Variants in MSANTD3 observed in about 807,000 individuals in gnomAD.
The protein encoded by MSANTD3 is myb/SANT-like DNA-binding domain-containing protein 3.
Under a neutral mutation model 27.7 loss-of-function variants are expected in MSANTD3, and 11 were observed. The observed-to-expected ratio is 0.40, with a 90% CI of 0.25 to 0.66. The LOEUF (loss-of-function observed/expected upper bound fraction) is 0.66. Ranked by LOEUF, MSANTD3 falls within the 30% of genes least tolerant of loss-of-function variation. The pLI is 0.41. For missense variants in MSANTD3, 250 were observed against 336.5 expected, an observed-to-expected ratio of 0.74 and a Z score of 2.01; for synonymous variants, 131 against 127.2, an observed-to-expected ratio of 1.03 and a Z score of -0.20.
chr9:100,442,049 T>C lies in MSANTD3; in HGVS notation c.111T>C (p.Ser37=). ...KYKYVLECKK[S]DARTIALKQR... is the part of the protein sequence containing the mutation. ...AATATGTGCTGGAATGTAAGAAAAGTGATGCGCGAACTATTGCCCTTAAGC... is the reference window on the plus strand; with the variant it reads ...AATATGTGCTGGAATGTAAGAAAAGCGATGCGCGAACTATTGCCCTTAAGC... Residue 37 remains serine (S), a synonymous_variant, in exon 2 of 3, where the codon AGT becomes AGC. Transcript: ENST00000395067. 1 of 1,614,226 alleles carries C rather than the reference T, an allele frequency of 6.2e-7. No individual in the cohort carries two copies. The highest frequency in any genetic ancestry group is 8.5e-7 in the Non-Finnish European group (1 of 1,180,042).
At chr9:100,450,411 G>T in intron 2 of MSANTD3, 146 bp from the exon 3 acceptor site, 1 of 606,354 alleles carries the variant, frequency 1.6e-6, no homozygotes. Flanking sequence ...GGTGTGGCTA[G>T]GGTCCCTGTA....
At chr9:100,432,891 A>C (rs1836405244) in intron 1 of MSANTD3, among the ~76,000 whole-genome samples, 1 of 152,228 alleles carries the variant, frequency 6.6e-6, no homozygotes, top group Admixed American at 6.5e-5. Flanking sequence ...TTTTAATGGC[A>C]GTGCTAACAT....
chr9:100,444,937 G>T (rs1197629794), intron 2 of MSANTD3: 3 of 433,036 alleles, frequency 6.9e-6, no homozygotes, highest in Non-Finnish European at 1.2e-5. Flanking sequence ...TTGGATGTTT[G>T]TACATAGATG....
chr9:100,450,055 T>G (rs1836847828), intron 2 of MSANTD3, among the ~76,000 whole-genome samples: 2 of 152,130 alleles, frequency 1.3e-5, no homozygotes, highest in South Asian at 4.1e-4. Context: ...ACAAGATGGC[T>G]CTCCAGGGTA....
intron 2 of MSANTD3, among the ~76,000 whole-genome samples, chr9:100,442,769 A>C (rs1836658399): frequency 6.7e-6 from 1 of 149,438 alleles, no homozygotes; most frequent in Non-Finnish European, 1.5e-5. Context: ...TTATTGCGCC[A>C]CTGCACTCCA....
At chr9:100,448,653 C>G in intron 2 of MSANTD3, 5 of 985,352 alleles carry the variant, frequency 5.1e-6, no homozygotes, top group Non-Finnish European at 6.0e-6. Context: ...CAGAAGCAAT[C>G]TCTGTCTTCA....
chr9:100,446,415 G>C (rs552549502), intron 2 of MSANTD3, among the ~76,000 whole-genome samples: 9 of 151,842 alleles, frequency 5.9e-5, no homozygotes, highest in Admixed American at 3.9e-4. Context: ...TCATTCTAAC[G>C]CGCTTGCATA....
Position 100,450,603 on chromosome 9 carries a change from G to A in MSANTD3, c.465G>A (p.Glu155=), listed in dbSNP as rs1346061499. The change falls in exon 3 of 3, where the codon GAG becomes GAA. Residue 155 remains glutamate (E), a synonymous_variant. Transcript: ENST00000395067. ...GAGAACTGTGCGATGATGAGAAAGA[G>A]TTCATACATTTTCCAGTATGTGAGG... ...SNRELCDDEK[E]FIHFPVCEGT... 6 of 1,602,354 alleles carry A rather than the reference G, an allele frequency of 3.7e-6. No individual in the cohort carries two copies. Among genetic ancestry groups the A allele is most frequent in the Non-Finnish European group, 5.1e-6 (6 of 1,176,868 alleles).
At chr9:100,431,246 C>CGGA (rs1298119542) in intron 1 of MSANTD3, among the ~76,000 whole-genome samples, 1 of 151,656 alleles carries the variant, frequency 6.6e-6, no homozygotes, top group Non-Finnish European at 1.5e-5. Context: ...AGGTGCTCCT[C>CGGA]CCACCTCGGC....
intron 1 of MSANTD3, among the ~76,000 whole-genome samples, chr9:100,432,729 T>A (rs1836403014): frequency 6.6e-6 from 1 of 152,202 alleles, no homozygotes; most frequent in Non-Finnish European, 1.5e-5. Flanking sequence ...TTAAGCAAAA[T>A]AACAAGGTCA....
At chr9:100,445,394 C>T (rs1836730834) in intron 2 of MSANTD3, among the ~76,000 whole-genome samples, 1 of 152,026 alleles carries the variant, frequency 6.6e-6, no homozygotes, top group Non-Finnish European at 1.5e-5. Flanking sequence ...GTGGGTAGAC[C>T]ACATTAGGAT....
intron 2 of MSANTD3, among the ~76,000 whole-genome samples, chr9:100,449,861 A>C (rs1254326047): frequency 1.3e-5 from 2 of 152,158 alleles, no homozygotes; most frequent in African/African-American, 2.4e-5. Flanking sequence ...CTTAGAAATT[A>C]GGAGAGTCAT....
intron 2 of MSANTD3, among the ~76,000 whole-genome samples, chr9:100,446,123 G>A (rs954359195): frequency 2.6e-5 from 4 of 152,182 alleles, no homozygotes; most frequent in African/African-American, 9.7e-5. Context: ...AGAAAACTAA[G>A]CTTTAGTGTA....
rs1158412264 is a variant in MSANTD3 at position 100,438,063 on chromosome 9, T to C, written c.-33-3843T>C. Among the ~76,000 whole-genome samples the C allele has an allele frequency of 2.0e-5, 3 of 152,190 alleles. No individual in the cohort carries two copies. The South Asian group carries it at 6.2e-4, about 32-fold the overall frequency. Reference sequence around the variant, plus strand: ...AAGTCCACCACCACCTAGTGGCAGCTAGAGGTACTGCACACATCTTGAGGA... The same window carrying C: ...AAGTCCACCACCACCTAGTGGCAGCCAGAGGTACTGCACACATCTTGAGGA... On this transcript the variant is annotated intron_variant, in intron 1 of 2. Transcript: ENST00000395067.
At chr9:100,435,761 C>G (rs1480318480) in intron 1 of MSANTD3, among the ~76,000 whole-genome samples, 1 of 152,168 alleles carries the variant, frequency 6.6e-6, no homozygotes, top group African/African-American at 2.4e-5. Flanking sequence ...TATCAAGGCA[C>G]TAACCCCACT....
intron 2 of MSANTD3, among the ~76,000 whole-genome samples, chr9:100,446,701 C>T (rs1269593246): frequency 2.0e-5 from 3 of 152,030 alleles, no homozygotes; most frequent in Non-Finnish European, 4.4e-5. Flanking sequence ...GTGGCGCACA[C>T]CTGTAATCCC....
intron 1 of MSANTD3, among the ~76,000 whole-genome samples, chr9:100,441,081 GC>G (rs1372400185): frequency 6.6e-6 from 1 of 150,966 alleles, no homozygotes; most frequent in Non-Finnish European, 1.5e-5. Flanking sequence ...GATTACAGGC[GC>G]ACGCCACCAC....
At chr9:100,445,707 T>C (rs1021774189) in intron 2 of MSANTD3, among the ~76,000 whole-genome samples, 1 of 152,188 alleles carries the variant, frequency 6.6e-6, no homozygotes, top group African/African-American at 2.4e-5. Flanking sequence ...ATGATAAAAC[T>C]GTTAAACAGG....
intron 2 of MSANTD3, chr9:100,448,973 A>C: frequency 1.0e-6 from 1 of 985,344 alleles, no homozygotes; most frequent in African/African-American, 1.7e-5. Flanking sequence ...TCCTTTTATT[A>C]ACAGGGTATT....
Sources: allele counts gnomAD v4.1 joint callset (sites outside exome capture counted in the v4.1 genomes callset), GRCh38; gene constraint gnomAD v4.1.1; transcripts MANE v1.5; gene names NCBI Gene and HGNC (gene_info 2026-07-23, HGNC 2026-07-21).